The following TXNDC11 variants were observed in gnomAD, a reference collection of about 807,000 sequenced individuals.
TXNDC11 encodes thioredoxin domain containing 11.
TXNDC11 carries 68 observed loss-of-function variants against 78.0 expected under a neutral mutation model. The observed-to-expected ratio is 0.87, with a 90% CI of 0.72 to 1.07. TXNDC11 has a LOEUF of 1.07. Ranked by LOEUF, TXNDC11 falls within the 50% of genes least tolerant of loss-of-function variation. The pLI is 0.00. For synonymous variants in TXNDC11, 571 were observed against 495.2 expected (o/e 1.15, Z -2.03); for missense variants, 1,389 against 1,221.8 (o/e 1.14, Z -2.04).
chr16:11,690,339 C>G (rs565735963), intron 8 of TXNDC11, among the ~76,000 whole-genome samples: 31 of 152,316 alleles, frequency 2.0e-4, no homozygotes, highest in Admixed American at 7.8e-4. Flanking sequence ...CATCATGGAG[C>G]CTTACTCCTC....
intron 5 of TXNDC11, among the ~76,000 whole-genome samples, chr16:11,711,030 C>T (rs751867140): frequency 1.3e-5 from 2 of 151,794 alleles, no homozygotes; most frequent in Non-Finnish European, 2.9e-5. Flanking sequence ...TCCAGTGTGC[C>T]GGACGTCATG....
chr16:11,707,531 C>T (rs986311748), intron 5 of TXNDC11, among the ~76,000 whole-genome samples: 9 of 151,834 alleles, frequency 5.9e-5, no homozygotes, highest in East Asian at 2.0e-4. Flanking sequence ...TCACTGCAAC[C>T]GCCACCTCCC....
At position 11,679,698 on chromosome 16, in the gene TXNDC11, C is replaced by T. The variant is rs770105270; in HGVS notation, c.2374G>A (p.Glu792Lys). Reference sequence around the variant, plus strand: ...ATGTGCCCCCGCTGTAAGACTGCCTCGCTCTGAAGACACTCCTTGGTAGGA... The same window carrying T: ...ATGTGCCCCCGCTGTAAGACTGCCTTGCTCTGAAGACACTCCTTGGTAGGA... ...NSPTKECLQSEAVLQRGHISH... is the reference protein window; with the variant it reads ...NSPTKECLQSKAVLQRGHISH... Residue 792 changes from glutamate (E) to lysine (K), a missense_variant, in exon 12 of 12, where the codon GAG becomes AAG. By Grantham distance (56) the Glu-to-Lys change is moderately conservative (BLOSUM62 1). Coordinates refer to ENST00000283033, the MANE Select transcript of TXNDC11 (RefSeq NM_015914.7). This position sits in a 1 kb window ranked among gnomAD's most constrained non-coding sequence, Gnocchi z 4.6. 4.3e-6 allele frequency: 7 copies of T among 1,614,052 alleles called. No individual in the cohort carries two copies. The African/African-American group carries it at 6.7e-5, about 15-fold the overall frequency.
At chr16:11,698,445 G>T in intron 6 of TXNDC11, 120 bp from the exon 7 acceptor site, 1 of 816,800 alleles carries the variant, frequency 1.2e-6, no homozygotes, top group Non-Finnish European at 2.0e-6. Flanking sequence ...GTGGAGCGGG[G>T]CCTGGCCCCA....
At chr16:11,681,899 T>G (rs2050434980) in intron 11 of TXNDC11, among the ~76,000 whole-genome samples, 1 of 152,204 alleles carries the variant, frequency 6.6e-6, no homozygotes, top group Non-Finnish European at 1.5e-5. Context: ...AATCAAGACA[T>G]GCTCTTTGTA....
At chr16:11,733,215 C>T (rs2052106860) in intron 3 of TXNDC11, among the ~76,000 whole-genome samples, 2 of 152,042 alleles carry the variant, frequency 1.3e-5, no homozygotes, top group Non-Finnish European at 2.9e-5. Flanking sequence ...GAGATTGCAC[C>T]ACTGCACTCC....
intron 11 of TXNDC11, among the ~76,000 whole-genome samples, chr16:11,680,213 C>A (rs901123730): frequency 6.6e-6 from 1 of 152,214 alleles, no homozygotes; most frequent in African/African-American, 2.4e-5. Flanking sequence ...GGAAGAGCGT[C>A]CAGGGGAGGC....
At chr16:11,685,257 G>A (rs1464911454) in intron 10 of TXNDC11, among the ~76,000 whole-genome samples, 1 of 152,172 alleles carries the variant, frequency 6.6e-6, no homozygotes, top group Non-Finnish European at 1.5e-5. Context: ...TTGGGAAGGT[G>A]GGAGAATCAC....
chr16:11,717,787 C>T (rs2051582349), intron 5 of TXNDC11, among the ~76,000 whole-genome samples: 1 of 151,516 alleles, frequency 6.6e-6, no homozygotes, highest in African/African-American at 2.4e-5. Flanking sequence ...CGCCACTGCA[C>T]TCCAGCCTGA....
At chr16:11,712,692 C>T (rs1250821823) in intron 5 of TXNDC11, among the ~76,000 whole-genome samples, 2 of 151,988 alleles carry the variant, frequency 1.3e-5, no homozygotes, top group African/African-American at 4.8e-5. Context: ...GTGGCTCACC[C>T]CTTTAACCAC....
At chr16:11,721,134 T>C (rs894508849) in intron 5 of TXNDC11, among the ~76,000 whole-genome samples, 5 of 151,958 alleles carry the variant, frequency 3.3e-5, no homozygotes, top group Non-Finnish European at 5.9e-5. Context: ...CACTAAACAA[T>C]GTAATTATTA....
chr16:11,684,353 C>T (rs896361163), intron 10 of TXNDC11, 108 bp from the exon 11 acceptor site: 6 of 748,420 alleles, frequency 8.0e-6, no homozygotes, highest in Non-Finnish European at 1.4e-5. Context: ...TTACACCCCA[C>T]ATTGGGCTAG....
At chr16:11,702,101 T>C (rs2051047403) in intron 5 of TXNDC11, among the ~76,000 whole-genome samples, 1 of 151,136 alleles carries the variant, frequency 6.6e-6, no homozygotes, top group Non-Finnish European at 1.5e-5. Flanking sequence ...TGTATATATA[T>C]ATATATATAT....
chr16:11,733,086 G>A (rs558572629), intron 3 of TXNDC11, among the ~76,000 whole-genome samples: 10 of 151,828 alleles, frequency 6.6e-5, no homozygotes, highest in Non-Finnish European at 1.3e-4. Flanking sequence ...GTAAAACCCC[G>A]TCTCTACTAA....
intron 9 of TXNDC11, 133 bp from the exon 10 acceptor site, chr16:11,688,099 C>A: frequency 1.1e-6 from 1 of 921,644 alleles, no homozygotes; most frequent in South Asian, 1.5e-5. Flanking sequence ...AAATTTTCAT[C>A]TTTAGGTCTT....
chr16:11,730,547 T>G, intron 4 of TXNDC11, 98 bp downstream of exon 4: 1 of 1,299,590 alleles, frequency 7.7e-7, no homozygotes, highest in South Asian at 1.4e-5. Flanking sequence ...CTTGCTGCAA[T>G]TCAGGAGGTA....
Position 11,730,746 on chromosome 16 carries a change from T to G in TXNDC11, c.598A>C (p.Met200Leu), listed in dbSNP as rs768273604. 1 of 1,608,844 alleles carries G rather than the reference T, an allele frequency of 6.2e-7. No individual in the cohort carries two copies. The highest frequency in any genetic ancestry group is 1.7e-4 in the Middle Eastern group (1 of 6,042). ...SFGPIEYKGP[M>L]SAVYIEKFVR... ...AACTTCTCAATGTAAACAGCACTCA[T>G]GGGGCCTTTGTATTCGATTGGTCCA... The change falls in exon 4 of 12, where the codon ATG (methionine) becomes CTG (leucine). Residue 200 changes from methionine (M) to leucine (L), a missense_variant. Met to Leu is a conservative substitution (Grantham distance 15, BLOSUM62 2). Coordinates refer to ENST00000283033, the MANE Select transcript of TXNDC11 (RefSeq NM_015914.7).
At chr16:11,700,370 TA>T in intron 6 of TXNDC11, 81 bp downstream of exon 6, 1 of 639,408 alleles carries the variant, frequency 1.6e-6, no homozygotes, top group Non-Finnish European at 2.7e-6. Context: ...CCATAGATTT[TA>T]ACCAATTCTC....
In TXNDC11 at chr16:11,691,418, C is replaced by G. The variant is rs2050710377; in HGVS notation, c.1772G>C (p.Trp591Ser). The G allele has an allele frequency of 6.2e-7, 1 of 1,614,092 alleles. No individual in the cohort carries two copies. The highest frequency in any genetic ancestry group is 1.3e-5 in the African/African-American group (1 of 74,916). Residue 591 changes from tryptophan (W) to serine (S), a missense_variant, in exon 8 of 12, where the codon TGG (tryptophan) becomes TCG (serine). Transcript: ENST00000283033. Reference protein sequence around the residue: ...NIYLLDSNLFWLYAERLGAPS... With the variant: ...NIYLLDSNLFSLYAERLGAPS... ...AGCACCCAGTCTCTCTGCATATAACCAAAACAAATTTGAATCCAAAAGGTA... is the reference window on the plus strand; with the variant it reads ...AGCACCCAGTCTCTCTGCATATAACGAAAACAAATTTGAATCCAAAAGGTA...
Sources: gnomAD v4.1 joint callset for allele counts (sites outside exome capture counted in the v4.1 genomes callset) on GRCh38, gnomAD v4.1.1 for gene constraint, Gnocchi (gnomAD v3.1) non-coding constraint, MANE v1.5 for transcripts, NCBI Gene and HGNC (gene_info 2026-07-23, HGNC 2026-07-21) for gene names.